Variants in LPCAT1 observed in about 807,000 individuals in gnomAD.
The protein encoded by LPCAT1 is lysophosphatidylcholine acyltransferase 1.
Under a neutral mutation model 60.9 loss-of-function variants are expected in LPCAT1, and 23 were observed. The ratio of observed to expected loss-of-function variants is 0.38; its 90% CI spans 0.27 to 0.53. The LOEUF (loss-of-function observed/expected upper bound fraction) is 0.53. Ranked by LOEUF, LPCAT1 falls within the 20% of genes least tolerant of loss-of-function variation. The probability of loss-of-function intolerance (pLI) is 0.82; values close to 1 mark genes in which losing one functional copy is unlikely to be tolerated. For synonymous variants in LPCAT1, 340 were observed against 301.1 expected, an observed-to-expected ratio of 1.13 and a Z score of -1.34; for missense variants, 622 against 723.6, an observed-to-expected ratio of 0.86 and a Z score of 1.61.
chr5:1,515,280 G>A (rs575166359), intron 1 of LPCAT1, among the ~76,000 whole-genome samples: 1 of 148,330 alleles, frequency 6.7e-6, no homozygotes, highest in South Asian at 2.2e-4. Context: ...TCCTGCATCA[G>A]GGGATCCTGC....
chr5:1,515,731 A>G (rs1051941164), intron 1 of LPCAT1, among the ~76,000 whole-genome samples: 2 of 151,396 alleles, frequency 1.3e-5, no homozygotes, highest in Non-Finnish European at 2.9e-5. Flanking sequence ...ACGGGCAAAT[A>G]CAGGGGGCCC....
At chr5:1,508,928 G>A (rs1736267972) in intron 1 of LPCAT1, among the ~76,000 whole-genome samples, 1 of 152,266 alleles carries the variant, frequency 6.6e-6, no homozygotes, top group Admixed American at 6.5e-5. Flanking sequence ...AATCAGTGCT[G>A]AACTCAAAGA....
chr5:1,501,405 C>A, intron 2 of LPCAT1, 56 bp downstream of exon 2: 1 of 1,551,196 alleles, frequency 6.4e-7, no homozygotes, highest in Non-Finnish European at 8.7e-7. Flanking sequence ...TGGGTTCCCA[C>A]TGTTTGGCCG....
intron 11 of LPCAT1, among the ~76,000 whole-genome samples, chr5:1,473,248 A>T (rs535851772): frequency 6.6e-6 from 1 of 152,200 alleles, no homozygotes; most frequent in East Asian, 1.9e-4. Flanking sequence ...TGGCTGAAGG[A>T]GCCTTCTACA....
Position 1,477,432 on chromosome 5 carries a change from C to T in LPCAT1, c.871G>A (p.Ala291Thr). ...GCCATGACTCGCCGCACGTTGCTGG[C>T]ATACAGCGCGGGGTTCCTCTTCTCC... ...EEEKRNPALY[A>T]SNVRRVMAEA... is the part of the protein sequence containing the mutation. Residue 291 changes from alanine to threonine, a missense_variant, in exon 9 of 14, where the codon GCC becomes ACC. Ala to Thr is a moderately conservative substitution (Grantham distance 58). Around this residue, in one of 3 missense-constraint regions of LPCAT1, gnomAD observed 209 missense variants for 325.5 expected, o/e 0.64. Transcript: ENST00000283415. The surrounding 1 kb of genome is among the most constrained non-coding windows in gnomAD (Gnocchi z 6.0). The T allele has an allele frequency of 6.2e-7, 1 of 1,614,066 alleles. No individual in the cohort carries two copies. The highest frequency in any genetic ancestry group is 8.5e-7 in the Non-Finnish European group (1 of 1,179,972).
intron 1 of LPCAT1, among the ~76,000 whole-genome samples, chr5:1,506,581 C>G (rs997881285): frequency 6.6e-6 from 1 of 152,236 alleles, no homozygotes; most frequent in Non-Finnish European, 1.5e-5. Context: ...GAGAGAGAAG[C>G]TGGCTGGGGC....
At chr5:1,464,689 C>A (rs2126459674) in intron 13 of LPCAT1, among the ~76,000 whole-genome samples, 1 of 144,192 alleles carries the variant, frequency 6.9e-6, no homozygotes, top group African/African-American at 2.7e-5. Flanking sequence ...TAAACAAACA[C>A]ATGCGTGCAC....
intron 13 of LPCAT1, among the ~76,000 whole-genome samples, chr5:1,464,697 C>T (rs1734260397): frequency 7.4e-6 from 1 of 134,244 alleles, no homozygotes; most frequent in Non-Finnish European, 1.5e-5. Context: ...CACATGCGTG[C>T]ACACACACAA....
At position 1,480,834 on chromosome 5, in the gene LPCAT1, CCTGCTTTCACAA is replaced by C. The variant is rs374377812; in HGVS notation, c.761+96_761+107del. ...GGCTGAACCTAACGGCTGTCCCACA[CCTGCTTTCACAA>C]CTGCAAAAGTAACTAGCGTGCACAG... On this transcript the variant is annotated intron_variant, in intron 7 of 13. Transcript: ENST00000283415. This position sits in a 1 kb window ranked among gnomAD's most constrained non-coding sequence, Gnocchi z 6.4. The C allele has an allele frequency of 7.4e-7, 1 of 1,353,078 alleles. No homozygotes were observed. Among genetic ancestry groups the C allele is most frequent in the African/African-American group, 1.4e-5 (1 of 69,824 alleles). 83.8% of individuals were successfully genotyped at this position (1,353,078 alleles called of 1,614,324 possible).
chr5:1,494,393 C>T (rs1224736621), intron 3 of LPCAT1, among the ~76,000 whole-genome samples: 3 of 151,868 alleles, frequency 2.0e-5, no homozygotes, highest in South Asian at 2.1e-4. Context: ...GGTGGGGGCT[C>T]GATCACTCCC....
At chr5:1,472,854 G>A (rs1463086947) in intron 11 of LPCAT1, among the ~76,000 whole-genome samples, 1 of 152,122 alleles carries the variant, frequency 6.6e-6, no homozygotes, top group African/African-American at 2.4e-5. Context: ...CAGCTGCCCT[G>A]TAGCAGAGGG....
At chr5:1,489,904 C>A (rs72717531) in intron 3 of LPCAT1, 46 bp from the exon 4 acceptor site, 2 of 1,391,266 alleles carry the variant, frequency 1.4e-6, no homozygotes, top group Non-Finnish European at 2.0e-6. Flanking sequence ...GCACGGCTCC[C>A]GCCAGGCAGG....
chr5:1,470,558 A>T (rs2126488302), intron 12 of LPCAT1, among the ~76,000 whole-genome samples: 1 of 152,322 alleles, frequency 6.6e-6, no homozygotes, highest in South Asian at 2.1e-4. Context: ...GTGTGACACC[A>T]CCAGCCCCAC....
rs1736692993 is a variant in LPCAT1, at chr5:1,522,049, C to T, written c.135+1661G>A. Among the ~76,000 whole-genome samples, 1 of 152,308 alleles carries T rather than the reference C, an allele frequency of 6.6e-6. No individual in the cohort carries two copies. Among genetic ancestry groups the T allele is most frequent in the Non-Finnish European group, 1.5e-5 (1 of 68,018 alleles). ...GGCTTGATGTTTCCCCCCAGGGAGC[C>T]AGGAGGGAGTAGGAAAGGCAGGAAG... On this transcript the variant is annotated intron_variant, in intron 1 of 13. Transcript: ENST00000283415. This position sits in a 1 kb window ranked among gnomAD's most constrained non-coding sequence, Gnocchi z 6.8.
At chr5:1,486,863 G>A (rs1396647582) in intron 5 of LPCAT1, among the ~76,000 whole-genome samples, 1 of 152,218 alleles carries the variant, frequency 6.6e-6, no homozygotes, top group South Asian at 2.1e-4. Flanking sequence ...AAAGGATCAA[G>A]CCACCGTGTC....
At chr5:1,492,056 T>C (rs542351114) in intron 3 of LPCAT1, among the ~76,000 whole-genome samples, 36 of 150,310 alleles carry the variant, frequency 2.4e-4, no homozygotes, top group African/African-American at 8.9e-4. Context: ...GGGAGATGTC[T>C]CTGAGCTGGG....
intron 2 of LPCAT1, among the ~76,000 whole-genome samples, chr5:1,499,503 A>G (rs1048360693): frequency 1.3e-5 from 2 of 152,252 alleles, no homozygotes; most frequent in Non-Finnish European, 2.9e-5. Context: ...GCTTGGTTAT[A>G]TATTTGATAC....
At chr5:1,475,750 G>GGCCCC (rs2126506924) in intron 9 of LPCAT1, among the ~76,000 whole-genome samples, 1 of 151,042 alleles carries the variant, frequency 6.6e-6, no homozygotes, top group East Asian at 2.0e-4. Context: ...GGGGCTGCAC[G>GGCCCC]GCCCCGCCCA....
intron 3 of LPCAT1, among the ~76,000 whole-genome samples, chr5:1,491,937 A>G (rs1309057799): frequency 3.9e-5 from 6 of 152,256 alleles, no homozygotes; most frequent in African/African-American, 1.4e-4. Flanking sequence ...GGTCCACGAA[A>G]GGAACCAGAA....
Sources: gnomAD v4.1 joint callset for allele counts (sites outside exome capture counted in the v4.1 genomes callset) on GRCh38, gnomAD v4.1.1 for gene constraint, gnomAD v4.1.1 regional missense constraint, Gnocchi (gnomAD v3.1) non-coding constraint, MANE v1.5 for transcripts, NCBI Gene and HGNC (gene_info 2026-07-23, HGNC 2026-07-21) for gene names.